LIMK1: variants seen among roughly 807,000 people sequenced by gnomAD.
LIMK1 encodes LIM domain kinase 1.
In LIMK1, 21 loss-of-function variants were observed where a neutral mutation model predicts 77.6. The observed-to-expected ratio is 0.27, with a 90% confidence interval of 0.19 to 0.39. The LOEUF (loss-of-function observed/expected upper bound fraction) is 0.39. LIMK1 is among the 10% of genes least tolerant of loss of function. The pLI, the probability that LIMK1 is intolerant of heterozygous loss-of-function variation, is 1.00. For missense variants in LIMK1, 696 were observed against 901.6 expected (o/e 0.77, Z 2.92); for synonymous variants, 358 against 370.0 (o/e 0.97, Z 0.37).
At chr7:74,084,904 AC>A (rs1244458439) in intron 1 of LIMK1, among the ~76,000 whole-genome samples, 3 of 151,630 alleles carry the variant, frequency 2.0e-5, no homozygotes, top group Non-Finnish European at 4.4e-5. Flanking sequence ...GCCCATGAAA[AC>A]CTGATTGGGG....
rs531643421 is a variant in LIMK1, at chr7:74,086,008, A to G, written c.152+164A>G. Among the ~76,000 whole-genome samples the G allele has an allele frequency of 7.9e-5, 12 of 152,342 alleles. No homozygotes were observed. In the South Asian group the frequency reaches 2.3e-3, roughly 29 times the overall value. On this transcript the variant is annotated intron_variant, in intron 2 of 15. Transcript: ENST00000336180. ...TTATGACATGAGGTGTTTTGACTAG[A>G]AAATCCCTACAGGCCTTCCTGTTGT...
intron 13 of LIMK1, among the ~76,000 whole-genome samples, chr7:74,116,254 G>T (rs1554699452): frequency 2.3e-5 from 1 of 43,684 alleles, no homozygotes; most frequent in Non-Finnish European, 8.0e-5. Context: ...AAATTAGCTG[G>T]GCATGGTGGT....
intron 4 of LIMK1, among the ~76,000 whole-genome samples, chr7:74,098,566 G>T (rs1219727596): frequency 6.6e-6 from 1 of 152,166 alleles, no homozygotes; most frequent in African/African-American, 2.4e-5. Flanking sequence ...AAGAAAGCTG[G>T]CCAGGTGCAG....
chr7:74,090,962 G>T (rs1799223866), intron 2 of LIMK1, among the ~76,000 whole-genome samples: 1 of 152,070 alleles, frequency 6.6e-6, no homozygotes, highest in South Asian at 2.1e-4. Context: ...CGCCCAGGCT[G>T]GAGTGCGGTG....
Position 74,102,336 on chromosome 7 carries a change from GGATACA to G in LIMK1, c.608+3105_608+3110del, listed in dbSNP as rs1312724671. 1.1e-4 allele frequency among the ~76,000 whole-genome samples: 16 copies of G among 151,782 alleles called. No homozygotes were observed. In the East Asian group the frequency reaches 1.9e-3, roughly 18 times the overall value. ...TGTGTCTCTCTATATATACATATATGGATACAGATACATATACATGTTTAGTGACTT... is the reference window on the plus strand; with the variant it reads ...TGTGTCTCTCTATATATACATATATGGATACATATACATGTTTAGTGACTT... On this transcript the variant is annotated intron_variant, in intron 5 of 15. Transcript: ENST00000336180.
intron 2 of LIMK1, among the ~76,000 whole-genome samples, chr7:74,086,084 C>T (rs1286415256): frequency 1.3e-5 from 2 of 152,164 alleles, no homozygotes; most frequent in Non-Finnish European, 2.9e-5. Context: ...CTCGCTCTGT[C>T]ACCCAGGCTG....
At chr7:74,091,086 TTTTG>T (rs1300169899) in intron 2 of LIMK1, among the ~76,000 whole-genome samples, 3 of 151,990 alleles carry the variant, frequency 2.0e-5, no homozygotes, top group Non-Finnish European at 2.9e-5. Flanking sequence ...GCTAATTTTT[TTTTG>T]TTTGTTTGTA....
At chr7:74,095,807 A>G (rs1419875618) in intron 2 of LIMK1, among the ~76,000 whole-genome samples, 3 of 151,886 alleles carry the variant, frequency 2.0e-5, no homozygotes, top group African/African-American at 7.3e-5. Context: ...TGTAGGTCTA[A>G]CCCTGGCCTG....
intron 7 of LIMK1, 59 bp downstream of exon 7, chr7:74,106,302 G>A (rs1440978684): frequency 1.9e-6 from 3 of 1,539,028 alleles, no homozygotes; most frequent in South Asian, 1.3e-5. Context: ...GGGCTCAGGG[G>A]CTGTGGGACC....
rs1799591956 is a variant in LIMK1, at chr7:74,107,125, A to G, written c.997A>G (p.Ile333Val). ...SLRVVCRPHR[I>V]FRPSDLIHGE... Reference sequence around the variant, plus strand: ...CCGCGTAGTCTGCCGGCCACACCGCATCTTCCGGCCGTCGGACCTCATCCA... The same window carrying G: ...CCGCGTAGTCTGCCGGCCACACCGCGTCTTCCGGCCGTCGGACCTCATCCA... Residue 333 changes from isoleucine (I) to valine (V), a missense_variant, in exon 8 of 16, where the codon ATC (isoleucine) becomes GTC (valine). By Grantham distance (29) the Ile-to-Val change is conservative. Coordinates refer to ENST00000336180, the MANE Select transcript of LIMK1 (RefSeq NM_002314.4). 2 of 1,613,056 alleles carry G rather than the reference A, an allele frequency of 1.2e-6. No homozygotes were observed. The highest frequency in any genetic ancestry group is 1.7e-6 in the Non-Finnish European group (2 of 1,179,926).
At chr7:74,111,473 G>C (rs1799697342) in intron 10 of LIMK1, 175 bp from the exon 11 acceptor site, 1 of 616,394 alleles carries the variant, frequency 1.6e-6, no homozygotes, top group South Asian at 1.9e-5. Context: ...TCTGTGAGCT[G>C]TGTTGACTCA....
Position 74,083,964 on chromosome 7 carries a change from C to T in LIMK1, c.-27C>T. ...GCCCGGCCGCCCCCAGCCCCAGCCC[C>T]GCCGGGCCCCGCCCCCCGTCGAGTG... On this transcript the variant is annotated 5_prime_UTR_variant, in exon 1 of 16. Coordinates refer to ENST00000336180, the MANE Select transcript of LIMK1 (RefSeq NM_002314.4). 1.6e-6 allele frequency: 2 copies of T among 1,229,454 alleles called. No individual in the cohort carries two copies. Among genetic ancestry groups the T allele is most frequent in the Non-Finnish European group, 2.1e-6 (2 of 946,346 alleles). The allele number at this position is 1,229,454 out of a possible 1,614,324, so 76.2% of individuals were successfully genotyped here. A position where few individuals can be genotyped will look rare whatever the true frequency, so the allele number is the denominator to read the frequency against.
intron 5 of LIMK1, 30 bp downstream of exon 5, chr7:74,099,268 C>T (rs1554696181): frequency 5.0e-6 from 8 of 1,594,496 alleles, no homozygotes; most frequent in East Asian, 2.2e-5. Flanking sequence ...AGGCTGCCGT[C>T]GGTGTGGCTA....
intron 5 of LIMK1, among the ~76,000 whole-genome samples, chr7:74,099,742 T>TA (rs1166906374): frequency 1.3e-5 from 2 of 150,836 alleles, no homozygotes; most frequent in Admixed American, 6.6e-5. Flanking sequence ...AAAATAAAAA[T>TA]AAAAAAAACA....
chr7:74,092,424 G>A (rs1216224918), intron 2 of LIMK1, among the ~76,000 whole-genome samples: 8 of 152,330 alleles, frequency 5.3e-5, no homozygotes, highest in African/African-American at 1.9e-4. Flanking sequence ...GGGACCAGAT[G>A]CTGCCCCTCT....
At chr7:74,109,215 C>G (rs1223747703) in intron 10 of LIMK1, 179 bp downstream of exon 10, 16 of 607,614 alleles carry the variant, frequency 2.6e-5, no homozygotes, top group Admixed American at 4.5e-5. Flanking sequence ...CTAGGAAAGG[C>G]CAGGTACAAT....
rs533325731 is a variant in LIMK1, at chr7:74,085,964, CG to C, written c.152+121del. ...CTGGTGCCGTCCCCTATTGTGACTT[CG>C]TGGCCTTAATTTACCATTTATGACA... is the stretch of plus-strand genomic sequence containing the variant. On this transcript the variant is annotated intron_variant, in intron 2 of 15. Transcript: ENST00000336180. The C allele has an allele frequency of 7.1e-5, 49 of 689,140 alleles. No individual in the cohort carries two copies. In the South Asian group the frequency reaches 8.2e-4, roughly 12 times the overall value. The allele number at this position is 689,140 out of a possible 1,614,324, so 42.7% of individuals were successfully genotyped here.
rs10242395 is a variant in LIMK1, at chr7:74,116,076, T to G, written c.1567+118T>G. ...AGCCTCCTTGGCTCTTCAGTTACCC[T>G]GTGGGTCCTGTTGCTCCTATAACAC... is the stretch of plus-strand genomic sequence containing the variant. On this transcript the variant is annotated intron_variant, in intron 13 of 15. Coordinates refer to ENST00000336180, the MANE Select transcript of LIMK1 (RefSeq NM_002314.4). 16,554 of 1,046,834 alleles carry G rather than the reference T, an allele frequency of 0.016. 1,807 individuals carry two copies. The African/African-American group carries it at 0.23, about 15-fold the overall frequency. The allele number at this position is 1,046,834 out of a possible 1,614,324, so 64.8% of individuals were successfully genotyped here.
chr7:74,111,595 C>T (rs1799699988), intron 10 of LIMK1, 53 bp from the exon 11 acceptor site: 1 of 1,475,750 alleles, frequency 6.8e-7, no homozygotes, highest in Non-Finnish European at 9.4e-7. Context: ...GCAACCATCC[C>T]TGCCATCGGG....
Sources: allele counts gnomAD v4.1 joint callset (sites outside exome capture counted in the v4.1 genomes callset), GRCh38; gene constraint gnomAD v4.1.1; transcripts MANE v1.5; gene names NCBI Gene and HGNC (gene_info 2026-07-23, HGNC 2026-07-21).